CHODL: variants seen among roughly 807,000 people sequenced by gnomAD.
CHODL encodes the protein transmembrane protein MT75.
A neutral mutation model predicts 34.5 loss-of-function variants in CHODL; 29 were observed. The ratio of observed to expected loss-of-function variants is 0.84; its 90% CI spans 0.63 to 1.15. The LOEUF is 1.15. Ranked by LOEUF, CHODL falls within the 50% of genes most tolerant of loss-of-function variation. The pLI is 0.00. For missense variants in CHODL, 332 were observed against 332.5 expected (o/e 1.00, Z 0.01); for synonymous variants, 125 against 116.1 (o/e 1.08, Z -0.49).
At chr21:18,142,748 T>A (rs190210189) in intron 2 of CHODL, among the ~76,000 whole-genome samples, 3 of 152,288 alleles carry the variant, frequency 2.0e-5, no homozygotes, top group African/African-American at 7.2e-5. Flanking sequence ...TATTCAGATC[T>A]GCCAGGAGAA....
intron 1 of CHODL, among the ~76,000 whole-genome samples, chr21:17,978,544 C>A (rs1300453823): frequency 6.6e-6 from 1 of 151,420 alleles, no homozygotes; most frequent in Non-Finnish European, 1.5e-5. Context: ...CGATGAAACC[C>A]CGTCTCTACT....
At chr21:18,241,216 C>G (rs1410427151), upstream of CHODL, among the ~76,000 whole-genome samples, 1 of 150,688 alleles carries the variant, frequency 6.6e-6, no homozygotes, top group African/African-American at 2.4e-5. Context: ...TCAATGCTGT[C>G]TTACTGGAAG....
intron 4 of CHODL, among the ~76,000 whole-genome samples, chr21:18,261,034 A>G (rs2074375953): frequency 6.6e-6 from 1 of 152,140 alleles, no homozygotes; most frequent in Non-Finnish European, 1.5e-5. Flanking sequence ...AGGAAACAGC[A>G]AATTATCGCT....
intron 2 of CHODL, among the ~76,000 whole-genome samples, chr21:18,190,765 G>C (rs977490857): frequency 1.8e-4 from 28 of 152,234 alleles, no homozygotes; most frequent in African/African-American, 5.5e-4. Flanking sequence ...AAAACAATAA[G>C]AAGTTTTCTA....
chr21:17,947,623 A>T (rs1297892622), intron 1 of CHODL, among the ~76,000 whole-genome samples: 2 of 152,064 alleles, frequency 1.3e-5, no homozygotes, highest in Admixed American at 1.3e-4. Flanking sequence ...GAAGACATAC[A>T]GACGGCCAAA....
At chr21:17,931,539 A>G (rs539565051) in intron 1 of CHODL, among the ~76,000 whole-genome samples, 1 of 152,342 alleles carries the variant, frequency 6.6e-6, no homozygotes, top group South Asian at 2.1e-4. Flanking sequence ...CTTGCTAGCA[A>G]TGGATTCTAA....
chr21:18,197,276 A>G (rs1420511396), intron 2 of CHODL, among the ~76,000 whole-genome samples: 6 of 152,200 alleles, frequency 3.9e-5, no homozygotes, highest in African/African-American at 1.4e-4. Context: ...ATAATGTATG[A>G]AACCATTATT....
Position 18,138,277 on chromosome 21 carries a change from A to T in CHODL, c.-45+110306A>T, listed in dbSNP as rs79742656. Among the ~76,000 whole-genome samples, 383 of 152,122 alleles carry T rather than the reference A, an allele frequency of 2.5e-3. 3 individuals carry two copies. In the East Asian group the frequency reaches 0.042, roughly 16 times the overall value. On this transcript the variant is annotated intron_variant, in intron 2 of 6. Transcript: ENST00000400127. ...TGGAATTTGATCATATTTAAGCCAAAATTGGGGAAAATTTCAATGCATCTT... is the reference window on the plus strand; with the variant it reads ...TGGAATTTGATCATATTTAAGCCAATATTGGGGAAAATTTCAATGCATCTT...
At chr21:18,154,601 T>G (rs1015943774) in intron 2 of CHODL, among the ~76,000 whole-genome samples, 1 of 152,196 alleles carries the variant, frequency 6.6e-6, no homozygotes, top group African/African-American at 2.4e-5. Context: ...GTTACCTGTT[T>G]AATTATCATA....
chr21:17,926,401 G>A (rs1164022579), intron 1 of CHODL, among the ~76,000 whole-genome samples: 2 of 146,786 alleles, frequency 1.4e-5, no homozygotes, highest in African/African-American at 2.5e-5. Flanking sequence ...TTCCTGAAGT[G>A]TATTAGTCCA....
chr21:17,924,227 TG>T (rs1427147081), intron 1 of CHODL, among the ~76,000 whole-genome samples: 1 of 152,136 alleles, frequency 6.6e-6, no homozygotes, highest in Admixed American at 6.5e-5. Flanking sequence ...AAAAGAGAGC[TG>T]GTCAGCATCC....
chr21:18,047,727 G>C (rs2064462075), intron 2 of CHODL, among the ~76,000 whole-genome samples: 1 of 151,880 alleles, frequency 6.6e-6, no homozygotes, highest in Non-Finnish European at 1.5e-5. Flanking sequence ...AGTATAGATA[G>C]CTGTCTGCCT....
At chr21:18,203,146 T>C (rs532151662) in intron 2 of CHODL, among the ~76,000 whole-genome samples, 1 of 152,320 alleles carries the variant, frequency 6.6e-6, no homozygotes, top group African/African-American at 2.4e-5. Context: ...TGTTTCTGGG[T>C]TTACAAGAAC....
intron 2 of CHODL, among the ~76,000 whole-genome samples, chr21:18,118,225 C>T (rs2065436589): frequency 6.6e-6 from 1 of 152,064 alleles, no homozygotes; most frequent in African/African-American, 2.4e-5. Flanking sequence ...GTTTATTGAG[C>T]CTCAATCATG....
At chr21:17,917,886 T>TGTGTGTGC (rs1447282321) in intron 1 of CHODL, among the ~76,000 whole-genome samples, 2 of 151,824 alleles carry the variant, frequency 1.3e-5, no homozygotes, top group Non-Finnish European at 2.9e-5. Flanking sequence ...CGTGTGTGTG[T>TGTGTGTGC]GTGTATGTGT....
intron 2 of CHODL, among the ~76,000 whole-genome samples, chr21:18,167,237 GTGTGT>G (rs1259065947): frequency 5.3e-5 from 8 of 150,642 alleles, no homozygotes; most frequent in African/African-American, 2.0e-4. Flanking sequence ...GTGTGTGTGT[GTGTGT>G]GTGTGTGTGT....
chr21:17,962,461 T>C (rs943832211), intron 1 of CHODL, among the ~76,000 whole-genome samples: 1 of 152,148 alleles, frequency 6.6e-6, no homozygotes, highest in East Asian at 1.9e-4. Context: ...ACAGATTCTC[T>C]TGAGTTCTCT....
chr21:18,197,551 G>A (rs1202192371), intron 2 of CHODL, among the ~76,000 whole-genome samples: 1 of 152,214 alleles, frequency 6.6e-6, no homozygotes, highest in African/African-American at 2.4e-5. Flanking sequence ...GGGATGCGGA[G>A]GTTGCGGTGA....
chr21:18,051,191 G>A (rs1437917013), intron 2 of CHODL, among the ~76,000 whole-genome samples: 2 of 151,828 alleles, frequency 1.3e-5, no homozygotes, highest in African/African-American at 4.8e-5. Flanking sequence ...TGGGTTTTCT[G>A]TTCCTGTGTT....
Sources: gnomAD v4.1 joint callset for allele counts (sites outside exome capture counted in the v4.1 genomes callset) on GRCh38, gnomAD v4.1.1 for gene constraint, MANE v1.5 for transcripts, NCBI Gene and HGNC (gene_info 2026-07-23, HGNC 2026-07-21) for gene names.